FAM72B: variants seen among roughly 807,000 people sequenced by gnomAD.
FAM72B encodes protein FAM72B.
Under a neutral mutation model 12.6 loss-of-function variants are expected in FAM72B, and 4 were observed. The ratio of observed to expected loss-of-function variants is 0.32; its 90% confidence interval spans 0.16 to 0.73. The LOEUF is 0.73. FAM72B is among the 30% of genes least tolerant of loss of function. The pLI, the probability that FAM72B is intolerant of heterozygous loss-of-function variation, is 0.67. For missense variants in FAM72B, 61 were observed against 158.4 expected, an observed-to-expected ratio of 0.39 and a Z score of 3.30; for synonymous variants, 13 against 53.9, an observed-to-expected ratio of 0.24 and a Z score of 3.32.
intron 2 of FAM72B, among the ~76,000 whole-genome samples, chr1:121,179,438 C>T (rs1654283252): frequency 7.4e-5 from 11 of 148,696 alleles, no homozygotes; most frequent in Admixed American, 7.4e-4. Context: ...TAATCTCACA[C>T]TTTGGGAGGC....
intron 2 of FAM72B, among the ~76,000 whole-genome samples, chr1:121,179,355 G>A (rs1378082376): frequency 2.0e-5 from 3 of 151,874 alleles, no homozygotes; most frequent in Non-Finnish European, 2.9e-5. Flanking sequence ...TCCAGCCTGG[G>A]CAACAGAGCA....
intron 3 of FAM72B, among the ~76,000 whole-genome samples, chr1:121,172,809 C>CA (rs1654122974): frequency 8.7e-6 from 1 of 115,552 alleles, no homozygotes. Flanking sequence ...CATGGTGACT[C>CA]ACGTCTGTAA....
intron 2 of FAM72B, among the ~76,000 whole-genome samples, chr1:121,179,881 T>C (rs1319370482): frequency 7.0e-6 from 1 of 143,338 alleles, no homozygotes. Context: ...GGCCAGTGAC[T>C]TCATCTAGTT....
At chr1:121,180,625 TGAG>T (rs1654313688) in intron 2 of FAM72B, among the ~76,000 whole-genome samples, 1 of 151,298 alleles carries the variant, frequency 6.6e-6, no homozygotes, top group Non-Finnish European at 1.5e-5. Context: ...TTTGGGAAGC[TGAG>T]GAGAGAGGAT....
chr1:121,180,818 C>T (rs1359409452), intron 2 of FAM72B, among the ~76,000 whole-genome samples: 1 of 151,722 alleles, frequency 6.6e-6, no homozygotes, highest in Non-Finnish European at 1.5e-5. Context: ...ATGATCATGC[C>T]ACTGCACTCC....
intron 1 of FAM72B, 129 bp downstream of exon 1, chr1:121,183,209 G>A (rs1161208497): frequency 1.8e-5 from 6 of 331,808 alleles, no homozygotes; most frequent in African/African-American, 6.4e-5. Flanking sequence ...TATTCCAAGG[G>A]GATCATCAAA....
At chr1:121,174,559 G>A (rs1187168279) in intron 3 of FAM72B, among the ~76,000 whole-genome samples, 48 of 145,992 alleles carry the variant, frequency 3.3e-4, no homozygotes, top group South Asian at 4.4e-4. Context: ...TAGAGACGGG[G>A]TTTCTCCATG....
At chr1:121,170,222 T>C (rs1453357028) in intron 3 of FAM72B, among the ~76,000 whole-genome samples, 2 of 144,946 alleles carry the variant, frequency 1.4e-5, no homozygotes, top group Non-Finnish European at 3.0e-5. Flanking sequence ...CCCCCTCGCC[T>C]CGGCCTCCCA....
intron 2 of FAM72B, among the ~76,000 whole-genome samples, chr1:121,180,316 C>T (rs1404202490): frequency 8.0e-5 from 7 of 87,104 alleles, no homozygotes; most frequent in East Asian, 5.7e-4. Context: ...CCGAGGCAGG[C>T]GGATCACCTG....
chr1:121,174,558 G>T (rs1421820438), intron 3 of FAM72B, among the ~76,000 whole-genome samples: 1 of 149,536 alleles, frequency 6.7e-6, no homozygotes, highest in Admixed American at 6.6e-5. Context: ...GTAGAGACGG[G>T]GTTTCTCCAT....
chr1:121,176,413 C>T (rs1654214198), intron 3 of FAM72B, among the ~76,000 whole-genome samples: 1 of 87,276 alleles, frequency 1.1e-5, no homozygotes, highest in Admixed American at 1.2e-4. Flanking sequence ...CTCAAGTGAT[C>T]CTCCCGCCTT....
rs1279912523 is a variant in FAM72B, at chr1:121,180,342, G to T, written c.230+929C>A. Among the ~76,000 whole-genome samples, 3 of 98,294 alleles carry T rather than the reference G, an allele frequency of 3.1e-5. No individual in the cohort carries two copies. The East Asian group carries it at 7.9e-4, about 26-fold the overall frequency. 64.5% of individuals were successfully genotyped at this position (98,294 alleles called of 152,430 possible). On this transcript the variant is annotated intron_variant, in intron 2 of 3. Transcript: ENST00000369390. ...GGATCACCTGAGGTTGGGAGTTCAAGAGCAGCCTGACCAACATGGAGAAAT... is the reference window on the plus strand; with the variant it reads ...GGATCACCTGAGGTTGGGAGTTCAATAGCAGCCTGACCAACATGGAGAAAT...
intron 2 of FAM72B, among the ~76,000 whole-genome samples, chr1:121,180,096 A>G (rs1238668367): frequency 1.1e-5 from 1 of 90,046 alleles, no homozygotes; most frequent in East Asian, 2.8e-4. Flanking sequence ...TCCTCCTAAA[A>G]TGAAAATAAT....
At chr1:121,174,337 C>T (rs1447066653) in intron 3 of FAM72B, among the ~76,000 whole-genome samples, 1 of 151,224 alleles carries the variant, frequency 6.6e-6, no homozygotes, top group African/African-American at 2.4e-5. Flanking sequence ...ATGAAGGTGG[C>T]TACACTAAAC....
intron 2 of FAM72B, among the ~76,000 whole-genome samples, chr1:121,180,924 T>C (rs1260244957): frequency 6.6e-6 from 1 of 152,158 alleles, no homozygotes; most frequent in East Asian, 1.9e-4. Context: ...GTTTAGAGGC[T>C]AAAGGAGTTC....
rs1174216628 is a variant in FAM72B at position 121,168,630 on chromosome 1, C to G, written c.*111G>C. On this transcript the variant is annotated 3_prime_UTR_variant, in exon 4 of 4. Coordinates refer to ENST00000369390, the MANE Select transcript of FAM72B (RefSeq NM_001100910.2). Reference sequence around the variant, plus strand: ...GAAAATAAATAAATCAACAAATGCCCCATTTTTGTTTTCCAAAAAAGATCA... The same window carrying G: ...GAAAATAAATAAATCAACAAATGCCGCATTTTTGTTTTCCAAAAAAGATCA... 4.9e-5 allele frequency: 49 copies of G among 991,582 alleles called. No homozygotes were observed. In the East Asian group the frequency reaches 1.4e-3, roughly 29 times the overall value. 61.4% of individuals were successfully genotyped at this position (991,582 alleles called of 1,614,324 possible). A position where few individuals can be genotyped will look rare whatever the true frequency, so the allele number is the denominator to read the frequency against.
intron 1 of FAM72B, among the ~76,000 whole-genome samples, chr1:121,182,058 G>T (rs1654343416): frequency 6.6e-6 from 1 of 152,012 alleles, no homozygotes; most frequent in Non-Finnish European, 1.5e-5. Flanking sequence ...AAGATGAATG[G>T]GTTAATATTT....
chr1:121,174,481 C>A (rs1407770090), intron 3 of FAM72B, among the ~76,000 whole-genome samples: 3 of 143,532 alleles, frequency 2.1e-5, no homozygotes, highest in African/African-American at 7.8e-5. Flanking sequence ...CATTCTCCTG[C>A]CTTAGCCTCC....
Position 121,168,603 on chromosome 1 carries a change from C to T in FAM72B, c.*138G>A, listed in dbSNP as rs587744547. On this transcript the variant is annotated 3_prime_UTR_variant, in exon 4 of 4. Transcript: ENST00000369390. ...TCAAACTGAGGTAACTAATTAGAGA[C>T]GGAAAATAAATAAATCAACAAATGC... The T allele has an allele frequency of 2.4e-4, 239 of 996,784 alleles. No homozygotes were observed. The highest frequency in any genetic ancestry group is 1.3e-3 in the South Asian group (62 of 46,094). 61.7% of individuals were successfully genotyped at this position (996,784 alleles called of 1,614,324 possible). A position where few individuals can be genotyped will look rare whatever the true frequency, so the allele number is the denominator to read the frequency against.
Sources: allele counts gnomAD v4.1 joint callset (sites outside exome capture counted in the v4.1 genomes callset), GRCh38; gene constraint gnomAD v4.1.1; transcripts MANE v1.5; gene names NCBI Gene and HGNC (gene_info 2026-07-23, HGNC 2026-07-21).